CNTNAP2: variants seen among roughly 807,000 people sequenced by gnomAD.
CNTNAP2 encodes contactin-associated protein-like 2.
CNTNAP2 carries 98 observed loss-of-function variants against 155.2 expected under a neutral mutation model. That is an observed-to-expected ratio of 0.63 (90% CI 0.54 to 0.75). The LOEUF is 0.75. Ranked by LOEUF, CNTNAP2 falls within the 30% of genes least tolerant of loss-of-function variation. CNTNAP2 has a pLI of 0.00. For missense variants in CNTNAP2, 1,727 were observed against 1,688.1 expected, an observed-to-expected ratio of 1.02 and a Z score of -0.40; for synonymous variants, 651 against 631.2, an observed-to-expected ratio of 1.03 and a Z score of -0.47.
intron 11 of CNTNAP2, among the ~76,000 whole-genome samples, chr7:147,490,946 C>T (rs1182362556): frequency 6.6e-6 from 1 of 152,074 alleles, no homozygotes; most frequent in Middle Eastern, 3.2e-3. Context: ...CGTGAGAACT[C>T]ACCCGCTGTC....
intron 1 of CNTNAP2, among the ~76,000 whole-genome samples, chr7:146,396,124 G>A (rs1484171340): frequency 6.6e-6 from 1 of 152,012 alleles, no homozygotes; most frequent in Non-Finnish European, 1.5e-5. Flanking sequence ...ATATACTACA[G>A]CATGTATTAA....
chr7:146,481,028 G>A (rs943711856), intron 1 of CNTNAP2, among the ~76,000 whole-genome samples: 1 of 151,740 alleles, frequency 6.6e-6, no homozygotes, highest in African/African-American at 2.4e-5. Context: ...AATCTCAGAG[G>A]TAAAGACTAG....
At chr7:146,378,150 A>T (rs184292603) in intron 1 of CNTNAP2, among the ~76,000 whole-genome samples, 6 of 152,308 alleles carry the variant, frequency 3.9e-5, no homozygotes, top group African/African-American at 1.4e-4. Context: ...ATTTATAACA[A>T]TGTTATGGAG....
intron 10 of CNTNAP2, among the ~76,000 whole-genome samples, chr7:147,407,467 C>CAAAAAAAAAAAAAAA (rs768738493): frequency 3.1e-5 from 2 of 64,864 alleles, no homozygotes; most frequent in African/African-American, 5.4e-5. Flanking sequence ...GACTCCCTCT[C>CAAAAAAAAAAAAAAA]AAAAAAAAAA....
At chr7:148,340,661 T>C (rs1050086687) in intron 21 of CNTNAP2, among the ~76,000 whole-genome samples, 7 of 152,172 alleles carry the variant, frequency 4.6e-5, no homozygotes, top group Admixed American at 4.6e-4. Flanking sequence ...TCTGAATAGG[T>C]GTCATTTCTT....
intron 11 of CNTNAP2, among the ~76,000 whole-genome samples, chr7:147,490,633 T>C (rs969952917): frequency 3.3e-5 from 5 of 152,160 alleles, no homozygotes; most frequent in African/African-American, 1.2e-4. Context: ...CCATTTGGAG[T>C]TTCTACAACT....
At position 147,680,494 on chromosome 7, in the gene CNTNAP2, C is replaced by A. The variant is rs10271904; in HGVS notation, c.2098+41188C>A. On this transcript the variant is annotated intron_variant, in intron 13 of 23. Transcript: ENST00000361727. ...ATGAACACTGGCCGAAGTGCTAAAG[C>A]AATATATTGGGGCCCCGGCTGTTTC... 8.3e-3 allele frequency among the ~76,000 whole-genome samples: 1,254 copies of A among 151,956 alleles called. 21 individuals carry two copies. The highest frequency in any genetic ancestry group is 0.029 in the African/African-American group (1,186 of 41,504).
At chr7:146,493,232 G>A (rs59465379) in intron 1 of CNTNAP2, among the ~76,000 whole-genome samples, 2,180 of 152,182 alleles carry the variant, frequency 0.014, 44 homozygotes, top group African/African-American at 0.049. Context: ...AGCTCTGTAG[G>A]TTCTGTTCAA....
At chr7:147,227,182 T>G (rs1803566410) in intron 8 of CNTNAP2, among the ~76,000 whole-genome samples, 1 of 152,164 alleles carries the variant, frequency 6.6e-6, no homozygotes, top group South Asian at 2.1e-4. Context: ...AAGGAAGAAC[T>G]GCAAGTGCAA....
chr7:147,489,549 T>C (rs1798569682), intron 11 of CNTNAP2, among the ~76,000 whole-genome samples: 1 of 152,194 alleles, frequency 6.6e-6, no homozygotes, highest in Non-Finnish European at 1.5e-5. Context: ...ACTAAAATGA[T>C]CATGTTGAAC....
intron 13 of CNTNAP2, among the ~76,000 whole-genome samples, chr7:147,655,435 A>G (rs1395513948): frequency 1.3e-5 from 2 of 152,172 alleles, no homozygotes; most frequent in East Asian, 1.9e-4. Context: ...TTTTTTAAAT[A>G]ATATAACTTG....
chr7:147,507,826 C>CA (rs1562971608), intron 11 of CNTNAP2, among the ~76,000 whole-genome samples: 2 of 152,074 alleles, frequency 1.3e-5, no homozygotes, highest in African/African-American at 4.8e-5. Flanking sequence ...GCTGAGATTA[C>CA]AGGCGTGAGC....
chr7:147,595,542 A>T (rs552418131), intron 12 of CNTNAP2, among the ~76,000 whole-genome samples: 1 of 152,326 alleles, frequency 6.6e-6, no homozygotes, highest in South Asian at 2.1e-4. Context: ...ACTGATGTAC[A>T]TCATCTCATT....
chr7:146,168,187 C>G (rs565853318), intron 1 of CNTNAP2, among the ~76,000 whole-genome samples: 149 of 152,238 alleles, frequency 9.8e-4, no homozygotes, highest in African/African-American at 3.2e-3. Flanking sequence ...TCTCCTTTGG[C>G]AACAGACACA....
At chr7:148,129,877 A>G (rs767703082) in intron 16 of CNTNAP2, among the ~76,000 whole-genome samples, 18 of 152,358 alleles carry the variant, frequency 1.2e-4, no homozygotes, top group Non-Finnish European at 2.1e-4. Context: ...TTAACTTTTC[A>G]TGCCAGGGTT....
At chr7:147,404,786 G>T (rs1796977538) in intron 10 of CNTNAP2, among the ~76,000 whole-genome samples, 1 of 152,070 alleles carries the variant, frequency 6.6e-6, no homozygotes, top group Non-Finnish European at 1.5e-5. Flanking sequence ...TCAGCTCAAT[G>T]ACCTAAAAGT....
intron 12 of CNTNAP2, among the ~76,000 whole-genome samples, chr7:147,624,197 C>A (rs1794926385): frequency 1.3e-5 from 2 of 150,452 alleles, no homozygotes; most frequent in Admixed American, 6.7e-5. Context: ...TTGGTCTGGG[C>A]AAAAATTTCT....
rs1055154035 is a variant in CNTNAP2, at chr7:148,060,108, A to G, written c.2384-58010A>G. On this transcript the variant is annotated intron_variant, in intron 15 of 23. Coordinates refer to ENST00000361727, the MANE Select transcript of CNTNAP2 (RefSeq NM_014141.6). ...ATTTTGACTATTTCAACAAAGTATTATAACTAAGCCATTAATTGATCCACT... is the reference window on the plus strand; with the variant it reads ...ATTTTGACTATTTCAACAAAGTATTGTAACTAAGCCATTAATTGATCCACT... Among the ~76,000 whole-genome samples the G allele has an allele frequency of 2.6e-5, 4 of 152,208 alleles. No homozygotes were observed. In the South Asian group the frequency reaches 6.2e-4, roughly 24 times the overall value.
At chr7:146,687,492 C>T (rs1800621172) in intron 1 of CNTNAP2, among the ~76,000 whole-genome samples, 1 of 151,948 alleles carries the variant, frequency 6.6e-6, no homozygotes, top group Admixed American at 6.6e-5. Flanking sequence ...CGTGTATCAC[C>T]ATAGAAAAGA....
Sources: allele counts gnomAD v4.1 joint callset (sites outside exome capture counted in the v4.1 genomes callset), GRCh38; gene constraint gnomAD v4.1.1; transcripts MANE v1.5; gene names NCBI Gene and HGNC (gene_info 2026-07-23, HGNC 2026-07-21).